The following RIMBP2 variants were observed in gnomAD, a reference collection of about 807,000 sequenced individuals.
The protein encoded by RIMBP2 is RIMS binding protein 2.
In RIMBP2, 48 loss-of-function variants were observed where a neutral mutation model predicts 118.6. The observed-to-expected ratio is 0.40, with a 90% CI of 0.32 to 0.51. The LOEUF (loss-of-function observed/expected upper bound fraction) is 0.51, where lower values mean the gene tolerates loss of function less well. Ranked by LOEUF, RIMBP2 falls within the 20% of genes least tolerant of loss-of-function variation. The pLI is 0.41. For synonymous variants in RIMBP2, 762 were observed against 742.9 expected, an observed-to-expected ratio of 1.03 and a Z score of -0.42; for missense variants, 1,551 against 1,768.3, an observed-to-expected ratio of 0.88 and a Z score of 2.20.
intron 1 of RIMBP2, among the ~76,000 whole-genome samples, chr12:130,665,443 C>A (rs1420129876): frequency 6.6e-6 from 1 of 151,210 alleles, no homozygotes; most frequent in Non-Finnish European, 1.5e-5. Context: ...GAGAATCACT[C>A]GAACCCGGGA....
chr12:130,501,661 T>C (rs11060960), intron 4 of RIMBP2, among the ~76,000 whole-genome samples: 35,867 of 152,174 alleles, frequency 0.24, 4,600 homozygotes, highest in Non-Finnish European at 0.28. Flanking sequence ...TAAAACCTGG[T>C]TTAAATACGA....
intron 15 of RIMBP2, chr12:130,427,125 G>A (rs1024306316): frequency 7.2e-5 from 11 of 152,280 alleles, no homozygotes; most frequent in African/African-American, 2.4e-4. Flanking sequence ...GAGAACATAA[G>A]TCAGTCTTGT....
At chr12:130,487,702 T>A (rs1436341054) in intron 4 of RIMBP2, among the ~76,000 whole-genome samples, 1 of 152,244 alleles carries the variant, frequency 6.6e-6, no homozygotes, top group Admixed American at 6.5e-5. Flanking sequence ...GTTTATTCTA[T>A]GTCATCCTTT....
rs2064872314 is a variant in RIMBP2 at position 130,683,035 on chromosome 12, T to A, written c.-352+33187A>T. 6.6e-6 allele frequency among the ~76,000 whole-genome samples: 1 copy of A among 152,084 alleles called. No homozygotes were observed. The highest frequency in any genetic ancestry group is 6.5e-5 in the Admixed American group (1 of 15,268). ...ATGTCTCATTCTTTTATCTTTAAGGTGAGGTCGTAGTAGTTGAATAGTGCC... is the reference window on the plus strand; with the variant it reads ...ATGTCTCATTCTTTTATCTTTAAGGAGAGGTCGTAGTAGTTGAATAGTGCC... On this transcript the variant is annotated intron_variant, in intron 1 of 22. Transcript: ENST00000690449. This position sits in a 1 kb window ranked among gnomAD's most constrained non-coding sequence, Gnocchi z 4.4.
At chr12:130,653,001 T>A (rs2063290907) in intron 1 of RIMBP2, among the ~76,000 whole-genome samples, 1 of 152,100 alleles carries the variant, frequency 6.6e-6, no homozygotes, top group African/African-American at 2.4e-5. Flanking sequence ...GAGGATCACA[T>A]TTTGACATGA....
intron 21 of RIMBP2, among the ~76,000 whole-genome samples, chr12:130,405,335 A>G (rs1027903555): frequency 2.0e-5 from 3 of 152,158 alleles, no homozygotes; most frequent in Non-Finnish European, 2.9e-5. Context: ...AATCCTACAC[A>G]TGCCTGCGGC....
intron 6 of RIMBP2, among the ~76,000 whole-genome samples, chr12:130,461,666 C>T (rs2080005421): frequency 6.6e-6 from 1 of 152,092 alleles, no homozygotes; most frequent in Admixed American, 6.5e-5. Context: ...TGGCGCTGTC[C>T]TTGCCATAAT....
At chr12:130,650,662 G>T (rs897915783) in intron 1 of RIMBP2, among the ~76,000 whole-genome samples, 16 of 152,158 alleles carry the variant, frequency 1.1e-4, no homozygotes, top group Non-Finnish European at 1.8e-4. Flanking sequence ...ACTGACCTCA[G>T]TCCAAGCCCA....
intron 21 of RIMBP2, among the ~76,000 whole-genome samples, chr12:130,400,865 C>T (rs896383772): frequency 6.6e-6 from 1 of 152,180 alleles, no homozygotes; most frequent in Admixed American, 6.5e-5. Context: ...CAGGGAAATG[C>T]AGTTCAAAAC....
chr12:130,504,118 C>A (rs2050077177), intron 4 of RIMBP2, among the ~76,000 whole-genome samples: 2 of 152,156 alleles, frequency 1.3e-5, no homozygotes, highest in South Asian at 2.1e-4. Flanking sequence ...GCCCCAATTT[C>A]AGTCTTTTCT....
intron 12 of RIMBP2, 22 bp downstream of exon 12, chr12:130,438,343 C>CCG (rs1555249188): frequency 2.1e-5 from 30 of 1,430,926 alleles, no homozygotes; most frequent in Non-Finnish European, 2.9e-5. Context: ...AAACCCTCCC[C>CCG]ACCCACCCAA....
chr12:130,399,937 C>T (rs2074369898), intron 21 of RIMBP2, 124 bp from the exon 22 acceptor site: 2 of 1,136,462 alleles, frequency 1.8e-6, no homozygotes. Context: ...TCAAAAGTGG[C>T]AGGACTTGAA....
chr12:130,716,086 C>G lies in RIMBP2; in HGVS notation c.-352+136G>C, dbSNP rs1358356458. 3 of 152,270 alleles carry G rather than the reference C, an allele frequency of 2.0e-5. No individual in the cohort carries two copies. The East Asian group carries it at 5.8e-4, about 29-fold the overall frequency. The allele number at this position is 152,270 out of a possible 1,614,324, so 9.4% of individuals were successfully genotyped here. The stretch of plus-strand genomic sequence containing the variant: ...CCCACGCTGAAGGGCATTCTCCATC[C>G]GCTGCAAGATAAACTTTGTCTGGGC... On this transcript the variant is annotated intron_variant, in intron 1 of 22. Coordinates refer to ENST00000690449, the MANE Select transcript of RIMBP2 (RefSeq NM_001393629.1).
At position 130,442,442 on chromosome 12, in the gene RIMBP2, C is replaced by G; in HGVS notation, c.910G>C (p.Val304Leu). The G allele has an allele frequency of 6.2e-7, 1 of 1,614,178 alleles. No homozygotes were observed. Among genetic ancestry groups the G allele is most frequent in the Non-Finnish European group, 8.5e-7 (1 of 1,180,030 alleles). ...ITDNSAGTLD[V>L]NIDDIGEDIV... Reference sequence around the variant, plus strand: ...TCTTCTCCGATGTCGTCGATGTTCACGTCCAGGGTCCCGGCACTGTTGTCG... The same window carrying G: ...TCTTCTCCGATGTCGTCGATGTTCAGGTCCAGGGTCCCGGCACTGTTGTCG... The change falls in exon 11 of 23, where the codon GTG becomes CTG. Residue 304 changes from valine (V) to leucine (L), a missense_variant. Val to Leu is a conservative substitution (Grantham distance 32). Coordinates refer to ENST00000690449, the MANE Select transcript of RIMBP2 (RefSeq NM_001393629.1). The surrounding 1 kb of genome is among the most constrained non-coding windows in gnomAD (Gnocchi z 6.9).
intron 1 of RIMBP2, among the ~76,000 whole-genome samples, chr12:130,707,632 G>A (rs528568427): frequency 7.3e-4 from 111 of 152,272 alleles, no homozygotes; most frequent in African/African-American, 2.5e-3. Flanking sequence ...AAGAGTGGGC[G>A]TGGACTGAGC....
At chr12:130,555,188 G>C (rs1410640154) in intron 2 of RIMBP2, among the ~76,000 whole-genome samples, 4 of 152,190 alleles carry the variant, frequency 2.6e-5, no homozygotes, top group Admixed American at 6.5e-5. Flanking sequence ...TCCTGTATCA[G>C]CTCCCTGTGG....
chr12:130,682,114 C>T lies in RIMBP2; in HGVS notation c.-352+34108G>A, dbSNP rs140888891. ...CTGGGTGGTGGCTCACCCAGGGACA[C>T]CCTCCCAGCCCTTGTCCCGTATCCC... On this transcript the variant is annotated intron_variant, in intron 1 of 22. Coordinates refer to ENST00000690449, the MANE Select transcript of RIMBP2 (RefSeq NM_001393629.1). 1.8e-3 allele frequency among the ~76,000 whole-genome samples: 267 copies of T among 152,332 alleles called. 1 individual carries two copies. The highest frequency in any genetic ancestry group is 3.4e-3 in the Middle Eastern group (1 of 294).
chr12:130,438,832 G>C (rs1247739531), intron 11 of RIMBP2, among the ~76,000 whole-genome samples: 1 of 152,138 alleles, frequency 6.6e-6, no homozygotes, highest in South Asian at 2.1e-4. Context: ...TGACCCGGCA[G>C]AGCTACCTCT....
chr12:130,664,340 T>TAC (rs367974069), intron 1 of RIMBP2, among the ~76,000 whole-genome samples: 31 of 149,386 alleles, frequency 2.1e-4, no homozygotes, highest in Non-Finnish European at 4.3e-4. Context: ...GACACAGAAA[T>TAC]ACACACACAC....
Sources: gnomAD v4.1 joint callset for allele counts (sites outside exome capture counted in the v4.1 genomes callset) on GRCh38, gnomAD v4.1.1 for gene constraint, Gnocchi (gnomAD v3.1) non-coding constraint, MANE v1.5 for transcripts, NCBI Gene and HGNC (gene_info 2026-07-23, HGNC 2026-07-21) for gene names.